The following SLC1A4 variants were observed in gnomAD, a reference collection of about 807,000 sequenced individuals.
SLC1A4 encodes the protein solute carrier family 1 member 4.
In SLC1A4, 19 loss-of-function variants were observed where a neutral mutation model predicts 37.7. That is an observed-to-expected ratio of 0.50 (90% CI 0.35 to 0.74). SLC1A4 has a LOEUF of 0.74. Among genes scored for constraint, SLC1A4 ranks in the 30% least tolerant of loss-of-function variants. The pLI is 0.01. For synonymous variants in SLC1A4, 299 were observed against 309.8 expected (o/e 0.97, Z 0.37); for missense variants, 570 against 712.9 (o/e 0.80, Z 2.28).
intron 4 of SLC1A4, among the ~76,000 whole-genome samples, chr2:65,013,988 G>C (rs768697908): frequency 6.6e-6 from 1 of 152,108 alleles, no homozygotes; most frequent in African/African-American, 2.4e-5. Context: ...AAAAACTCAC[G>C]CTGCTAACTC....
chr2:65,018,601 T>G lies in SLC1A4; in HGVS notation c.1286T>G (p.Leu429Arg). 6.2e-7 allele frequency: 1 copy of G among 1,614,258 alleles called. No individual in the cohort carries two copies. Among genetic ancestry groups the G allele is most frequent in the Non-Finnish European group, 8.5e-7 (1 of 1,180,044 alleles). The change falls in exon 7 of 8, where the codon CTC (leucine) becomes CGC (arginine). Residue 429 changes from leucine (L) to arginine (R), a missense_variant. By Grantham distance (102) the Leu-to-Arg change is moderately radical (BLOSUM62 -2). Transcript: ENST00000234256. This position sits in a 1 kb window ranked among gnomAD's most constrained non-coding sequence, Gnocchi z 4.3. ...GAAGVPAGGVLTIAIILEAIG... is the reference protein window; with the variant it reads ...GAAGVPAGGVRTIAIILEAIG... ...GCAGGCGTGCCAGCTGGAGGGGTCC[T>G]CACCATTGCCATTATCCTGGAGGCC...
intron 1 of SLC1A4, chr2:65,000,946 T>A (rs1673432246): frequency 6.6e-6 from 1 of 152,544 alleles, no homozygotes; most frequent in Admixed American, 6.5e-5. Context: ...TAGTGAGCAG[T>A]GACACTTGAC....
intron 7 of SLC1A4, 150 bp from the exon 8 acceptor site, chr2:65,020,762 A>G: frequency 1.6e-6 from 1 of 642,826 alleles, no homozygotes; most frequent in South Asian, 1.9e-5. Flanking sequence ...TCAATTTAGA[A>G]TAAGGTAAAG....
chr2:65,015,533 T>C (rs1006516792), intron 4 of SLC1A4, among the ~76,000 whole-genome samples: 4 of 152,216 alleles, frequency 2.6e-5, no homozygotes, highest in African/African-American at 9.6e-5. Flanking sequence ...TTTGGTGTCA[T>C]CTACGTTTTA....
chr2:65,011,091 T>C (rs1468107655), intron 4 of SLC1A4, among the ~76,000 whole-genome samples: 1 of 152,204 alleles, frequency 6.6e-6, no homozygotes. Flanking sequence ...TGTCATCTTG[T>C]GGGAAAGTGA....
chr2:65,008,234 C>T (rs554305820), intron 3 of SLC1A4, among the ~76,000 whole-genome samples: 2 of 152,320 alleles, frequency 1.3e-5, no homozygotes, highest in African/African-American at 4.8e-5. Flanking sequence ...CCTAGTAGGC[C>T]AGTAGCAGAG....
At chr2:64,994,611 G>A (rs1673181691) in intron 1 of SLC1A4, 1 of 152,074 alleles carries the variant, frequency 6.6e-6, no homozygotes. Context: ...ACAGAGGGAG[G>A]TGTGCTGGAC....
At chr2:65,017,980 T>TA in intron 5 of SLC1A4, 91 bp from the exon 6 acceptor site, 2 of 1,050,112 alleles carry the variant, frequency 1.9e-6, no homozygotes, top group East Asian at 4.8e-5. Context: ...AAGATGGTGC[T>TA]AATTGCTCTG....
chr2:64,991,745 C>A (rs1572940112), intron 1 of SLC1A4, among the ~76,000 whole-genome samples: 1 of 152,148 alleles, frequency 6.6e-6, no homozygotes, highest in African/African-American at 2.4e-5. Flanking sequence ...GGATTACAGG[C>A]GCGTGCCACC....
chr2:64,994,713 C>A (rs1673185279), intron 1 of SLC1A4: 1 of 150,370 alleles, frequency 6.7e-6, no homozygotes. Context: ...AAAAAAAAAA[C>A]TATCAGAGAC....
chr2:64,999,073 A>C (rs1379007869), intron 1 of SLC1A4, among the ~76,000 whole-genome samples: 1 of 152,254 alleles, frequency 6.6e-6, no homozygotes, highest in African/African-American at 2.4e-5. Context: ...GGTAGTCCCC[A>C]AGACTAAAAT....
chr2:65,018,150 C>T lies in SLC1A4; in HGVS notation c.1114C>T (p.Pro372Ser). The change falls in exon 6 of 8, where the codon CCC (proline) becomes TCC (serine). Residue 372 changes from proline (P) to serine (S), a missense_variant. Physicochemically the swap from Pro to Ser is moderately conservative, Grantham distance 74. Transcript: ENST00000234256. The surrounding 1 kb of genome is among the most constrained non-coding windows in gnomAD (Gnocchi z 4.3). ...CAAGAGGATCAGCAGGTTTATTCTC[C>T]CCATCGGGGCCACCGTGAACATGGA... The part of the protein sequence containing the change: ...VDKRISRFIL[P>S]IGATVNMDGA... 6.2e-7 allele frequency: 1 copy of T among 1,614,178 alleles called. No individual in the cohort carries two copies. The highest frequency in any genetic ancestry group is 8.5e-7 in the Non-Finnish European group (1 of 1,180,024).
intron 2 of SLC1A4, among the ~76,000 whole-genome samples, chr2:65,002,666 C>T (rs1673521707): frequency 1.3e-5 from 2 of 149,070 alleles, no homozygotes; most frequent in South Asian, 2.1e-4. Context: ...CCAGCTCCGC[C>T]TCCCAGGTTC....
At chr2:65,000,964 A>G (rs1407427729) in intron 1 of SLC1A4, 1 of 152,594 alleles carries the variant, frequency 6.6e-6, no homozygotes, top group Non-Finnish European at 1.5e-5. Context: ...GACATTGCAA[A>G]CCACTGCAAT....
At chr2:65,014,848 C>T (rs1045555659) in intron 4 of SLC1A4, among the ~76,000 whole-genome samples, 8 of 152,216 alleles carry the variant, frequency 5.3e-5, no homozygotes, top group Non-Finnish European at 1.0e-4. Flanking sequence ...CATCCACCAA[C>T]AGGACGATGA....
chr2:65,004,065 T>C (rs745313519), intron 3 of SLC1A4, 50 bp downstream of exon 3: 1 of 1,474,616 alleles, frequency 6.8e-7, no homozygotes, highest in South Asian at 1.1e-5. Context: ...AAACAAATCT[T>C]ATTTCTTCTT....
intron 2 of SLC1A4, among the ~76,000 whole-genome samples, chr2:65,003,549 G>T (rs1474441554): frequency 6.6e-6 from 1 of 152,136 alleles, no homozygotes; most frequent in African/African-American, 2.4e-5. Flanking sequence ...TAAATGAATG[G>T]AAATAAAATG....
At chr2:64,998,368 C>T (rs868328046) in intron 1 of SLC1A4, among the ~76,000 whole-genome samples, 9 of 150,268 alleles carry the variant, frequency 6.0e-5, no homozygotes, top group Middle Eastern at 3.4e-3. Flanking sequence ...TGCAGTGAGC[C>T]GAGATCTGCC....
intron 5 of SLC1A4, among the ~76,000 whole-genome samples, chr2:65,017,434 T>C (rs1264242429): frequency 6.6e-6 from 1 of 152,092 alleles, no homozygotes; most frequent in Non-Finnish European, 1.5e-5. Flanking sequence ...CATTTAGTTT[T>C]GCCTCTACTG....
Sources: allele counts gnomAD v4.1 joint callset (sites outside exome capture counted in the v4.1 genomes callset), GRCh38; gene constraint gnomAD v4.1.1; non-coding constraint Gnocchi (gnomAD v3.1); transcripts MANE v1.5; gene names NCBI Gene and HGNC (gene_info 2026-07-23, HGNC 2026-07-21).